The following LARGE1 variants were observed in gnomAD, a reference collection of about 807,000 sequenced individuals.
LARGE1 encodes LARGE xylosyl- and glucuronyltransferase 1.
In LARGE1, 43 loss-of-function variants were observed where a neutral mutation model predicts 87.6. That is an observed-to-expected ratio of 0.49 (90% CI 0.38 to 0.63). The LOEUF (loss-of-function observed/expected upper bound fraction) is 0.63, where lower values mean the gene tolerates loss of function less well. Ranked by LOEUF, LARGE1 falls within the 30% of genes least tolerant of loss-of-function variation. The pLI, the probability that LARGE1 is intolerant of heterozygous loss-of-function variation, is 0.00. For synonymous variants in LARGE1, 434 were observed against 394.6 expected (o/e 1.10, Z -1.18); for missense variants, 802 against 1,000.2 (o/e 0.80, Z 2.67).
At chr22:33,205,986 G>A (rs1439701777) in intron 11 of LARGE1, among the ~76,000 whole-genome samples, 2 of 118,494 alleles carry the variant, frequency 1.7e-5, no homozygotes, top group Non-Finnish European at 3.3e-5. Context: ...AGGGAATCTC[G>A]CTCTGTTGTC....
At chr22:33,364,046 A>G (rs957473663) in intron 9 of LARGE1, among the ~76,000 whole-genome samples, 4 of 137,632 alleles carry the variant, frequency 2.9e-5, no homozygotes, top group African/African-American at 1.2e-4. Flanking sequence ...GTCAAAGTGC[A>G]TCTTTGCTAT....
At position 33,274,889 on chromosome 22, in the gene LARGE1, C is replaced by T. The variant is rs16992044; in HGVS notation, c.2074-265G>A. Among the ~76,000 whole-genome samples the T allele has an allele frequency of 0.013, 1,982 of 152,202 alleles. 33 individuals are homozygous for T. Among genetic ancestry groups the T allele is most frequent in the African/African-American group, 0.042 (1,728 of 41,522 alleles). ...TAATATTCTTGAATGATGACCATGA[C>T]GGAGAAGCCAATACTGTATAAACAG... is the stretch of plus-strand genomic sequence containing the variant. On this transcript the variant is annotated intron_variant, in intron 14 of 14. Transcript: ENST00000397394.
At chr22:33,833,197 T>G (rs1321432824) in intron 1 of LARGE1, among the ~76,000 whole-genome samples, 13 of 152,242 alleles carry the variant, frequency 8.5e-5, no homozygotes, top group Admixed American at 2.6e-4. Context: ...AATGTAATAC[T>G]GAAACATCTG....
chr22:33,669,754 A>G (rs1431359865), intron 2 of LARGE1, among the ~76,000 whole-genome samples: 1 of 152,254 alleles, frequency 6.6e-6, no homozygotes, highest in Non-Finnish European at 1.5e-5. Flanking sequence ...TAATGCTGCA[A>G]TATGCCAGGA....
At chr22:33,260,925 C>T (rs570034306) in intron 11 of LARGE1, among the ~76,000 whole-genome samples, 23 of 152,244 alleles carry the variant, frequency 1.5e-4, no homozygotes, top group Admixed American at 6.5e-4. Flanking sequence ...AAGAGTGCTC[C>T]AAAGAGCACA....
At chr22:33,516,219 A>C (rs1369780714) in intron 6 of LARGE1, among the ~76,000 whole-genome samples, 2 of 152,126 alleles carry the variant, frequency 1.3e-5, no homozygotes, top group African/African-American at 4.8e-5. Flanking sequence ...AGAGAGGCTT[A>C]AAGGCGGGGA....
At chr22:33,568,233 A>C (rs747155892) in intron 5 of LARGE1, among the ~76,000 whole-genome samples, 1 of 152,170 alleles carries the variant, frequency 6.6e-6, no homozygotes, top group Non-Finnish European at 1.5e-5. Flanking sequence ...CATAAGCCAG[A>C]ACAGGAAAAA....
chr22:33,490,585 C>A (rs75216197), intron 6 of LARGE1, among the ~76,000 whole-genome samples: 1,627 of 152,304 alleles, frequency 0.011, 28 homozygotes, highest in African/African-American at 0.037. Flanking sequence ...ACTGCTGCAA[C>A]GCTTCTGATT....
chr22:33,878,673 C>T (rs911740145), intron 1 of LARGE1, among the ~76,000 whole-genome samples: 12 of 152,150 alleles, frequency 7.9e-5, no homozygotes, highest in African/African-American at 2.9e-4. Flanking sequence ...TAACTCAATG[C>T]TGAACTCAGC....
intron 1 of LARGE1, among the ~76,000 whole-genome samples, chr22:33,774,274 C>T (rs1451639690): frequency 6.6e-6 from 1 of 152,010 alleles, no homozygotes; most frequent in Non-Finnish European, 1.5e-5. Context: ...ACAATGGCCA[C>T]TCTTACAAAA....
chr22:33,713,409 G>C (rs1467520798), intron 2 of LARGE1, among the ~76,000 whole-genome samples: 1 of 152,116 alleles, frequency 6.6e-6, no homozygotes, highest in Non-Finnish European at 1.5e-5. Context: ...TAAATGCAGA[G>C]AACCACATCT....
intron 2 of LARGE1, among the ~76,000 whole-genome samples, chr22:33,716,081 T>G (rs1419280105): frequency 6.6e-6 from 1 of 152,216 alleles, no homozygotes; most frequent in African/African-American, 2.4e-5. Context: ...TTAAGTATGA[T>G]CAACACAGGT....
At chr22:33,859,449 C>T (rs982527145) in intron 1 of LARGE1, among the ~76,000 whole-genome samples, 7 of 152,268 alleles carry the variant, frequency 4.6e-5, no homozygotes, top group African/African-American at 1.7e-4. Flanking sequence ...TTGGTCCCCA[C>T]CAGGCTTCTG....
intron 6 of LARGE1, among the ~76,000 whole-genome samples, chr22:33,498,411 G>C (rs1277849827): frequency 6.6e-6 from 1 of 152,116 alleles, no homozygotes; most frequent in African/African-American, 2.4e-5. Flanking sequence ...GCTGTGATTA[G>C]AACATCTTCT....
At chr22:33,396,087 C>T (rs1376987271) in intron 7 of LARGE1, among the ~76,000 whole-genome samples, 1 of 152,196 alleles carries the variant, frequency 6.6e-6, no homozygotes, top group Non-Finnish European at 1.5e-5. Flanking sequence ...AAGATTTGCT[C>T]CTTAGTCCTT....
intron 11 of LARGE1, among the ~76,000 whole-genome samples, chr22:33,209,712 C>CT (rs1924862412): frequency 6.6e-6 from 1 of 152,194 alleles, no homozygotes; most frequent in South Asian, 2.1e-4. Flanking sequence ...ATGGTGTAAT[C>CT]ACAGCTCACT....
chr22:33,753,137 T>C (rs188339543), intron 2 of LARGE1, among the ~76,000 whole-genome samples: 1,830 of 152,238 alleles, frequency 0.012, 38 homozygotes, highest in African/African-American at 0.042. Context: ...GGAGAATCAC[T>C]TGAACCAGGG....
chr22:33,758,541 T>C (rs2084607323), intron 2 of LARGE1, among the ~76,000 whole-genome samples: 1 of 152,186 alleles, frequency 6.6e-6, no homozygotes, highest in South Asian at 2.1e-4. Flanking sequence ...TAAAGGATCA[T>C]GTTGATAGAT....
intron 6 of LARGE1, among the ~76,000 whole-genome samples, chr22:33,559,225 A>G (rs1279701528): frequency 6.6e-6 from 1 of 152,196 alleles, no homozygotes; most frequent in Non-Finnish European, 1.5e-5. Context: ...CTTGTTGCCC[A>G]GGCTGGAGTG....
Sources: gnomAD v4.1 joint callset for allele counts (sites outside exome capture counted in the v4.1 genomes callset) on GRCh38, gnomAD v4.1.1 for gene constraint, MANE v1.5 for transcripts, NCBI Gene and HGNC (gene_info 2026-07-23, HGNC 2026-07-21) for gene names.